Variants in EPS8 observed in about 807,000 individuals in gnomAD.
EPS8 encodes epidermal growth factor receptor kinase substrate 8.
A neutral mutation model predicts 103.8 loss-of-function variants in EPS8; 42 were observed. That is an observed-to-expected ratio of 0.40 (90% CI 0.32 to 0.52). EPS8 has a LOEUF of 0.52. Ranked by LOEUF, EPS8 falls within the 20% of genes least tolerant of loss-of-function variation. The probability of loss-of-function intolerance (pLI) is 0.40; values close to 1 mark genes in which losing one functional copy is unlikely to be tolerated. For missense variants in EPS8, 969 were observed against 1,005.1 expected, an observed-to-expected ratio of 0.96 and a Z score of 0.49; for synonymous variants, 344 against 344.6, an observed-to-expected ratio of 1.00 and a Z score of 0.02.
At position 15,776,780 on chromosome 12, in the gene EPS8, T is replaced by G. The variant is rs1172134313; in HGVS notation, c.-22+12381A>C. On this transcript the variant is annotated intron_variant, in intron 1 of 20. Coordinates refer to ENST00000281172, the MANE Select transcript of EPS8 (RefSeq NM_004447.6). The surrounding 1 kb of genome is among the most constrained non-coding windows in gnomAD (Gnocchi z 4.2). ...TTGAGAATTTTAGCGTTTCCCCTTT[T>G]GCTACCGCCAAACTATTTTTATATC... 1.3e-5 allele frequency among the ~76,000 whole-genome samples: 2 copies of G among 152,320 alleles called. No individual in the cohort carries two copies. The highest frequency in any genetic ancestry group is 1.5e-5 in the Non-Finnish European group (1 of 68,018).
rs1404728264 is a variant in EPS8 at position 15,658,510 on chromosome 12, C to G, written c.1013G>C (p.Gly338Ala). Residue 338 changes from glycine (G) to alanine (A), a missense_variant, in exon 11 of 21, where the codon GGA becomes GCA. By Grantham distance (60) the Gly-to-Ala change is moderately conservative. Transcript: ENST00000281172. ...FLDCFQKFKH[G>A]FNLLAKLKSH... ...AATTTCACTTACCAGAAGGTTAAAT[C>G]CGTGTTTAAACTTTTGGAAACAGTC... 6.2e-7 allele frequency: 1 copy of G among 1,609,178 alleles called. No homozygotes were observed. Among genetic ancestry groups the G allele is most frequent in the Non-Finnish European group, 8.5e-7 (1 of 1,175,696 alleles).
intron 1 of EPS8, among the ~76,000 whole-genome samples, chr12:15,758,566 T>C (rs1307560971): frequency 6.6e-6 from 1 of 152,216 alleles, no homozygotes; most frequent in East Asian, 1.9e-4. Flanking sequence ...GGCTAGTGGC[T>C]ACCATACTGT....
rs1432427303 is a variant in EPS8 at position 15,727,431 on chromosome 12, T to G, written c.-21-44459A>C. On this transcript the variant is annotated intron_variant, in intron 1 of 20. Transcript: ENST00000281172. The surrounding 1 kb of genome is among the most constrained non-coding windows in gnomAD (Gnocchi z 4.3). The stretch of plus-strand genomic sequence containing the variant: ...CACTCCTCATTCTTGTGTTTTATTT[T>G]AAACATAATTGAAACACTTTAATAT... Among the ~76,000 whole-genome samples, 9 of 152,196 alleles carry G rather than the reference T, an allele frequency of 5.9e-5. No individual in the cohort carries two copies. The highest frequency in any genetic ancestry group is 1.3e-4 in the Non-Finnish European group (9 of 68,022).
intron 1 of EPS8, among the ~76,000 whole-genome samples, chr12:15,703,111 T>C (rs1946333017): frequency 6.6e-6 from 1 of 152,158 alleles, no homozygotes; most frequent in African/African-American, 2.4e-5. Context: ...ATCACGCCAC[T>C]GCACTCCAGC....
In EPS8 at chr12:15,772,403, C is replaced by T. The variant is rs1045766294; in HGVS notation, c.-22+16758G>A. ...AAGAACTGAGAGTAACTGTTCTAAA[C>T]GAAACACTGAGGTTCCCTAGAAAGA... On this transcript the variant is annotated intron_variant, in intron 1 of 20. Coordinates refer to ENST00000281172, the MANE Select transcript of EPS8 (RefSeq NM_004447.6). The surrounding 1 kb of genome is among the most constrained non-coding windows in gnomAD (Gnocchi z 5.0). Among the ~76,000 whole-genome samples, 11 of 152,016 alleles carry T rather than the reference C, an allele frequency of 7.2e-5. No homozygotes were observed. The highest frequency in any genetic ancestry group is 1.4e-4 in the African/African-American group (6 of 41,384).
At position 15,698,422 on chromosome 12, in the gene EPS8, G is replaced by A. The variant is rs1312993476; in HGVS notation, c.-21-15450C>T. The stretch of plus-strand genomic sequence containing the variant: ...GTGTCAACTAGACTCCCCAACCCCC[G>A]CTCTTTAAGTTAACCTCATCCACAC... On this transcript the variant is annotated intron_variant, in intron 1 of 20. Transcript: ENST00000281172. The surrounding 1 kb of genome is among the most constrained non-coding windows in gnomAD (Gnocchi z 4.9). Among the ~76,000 whole-genome samples, 3 of 151,942 alleles carry A rather than the reference G, an allele frequency of 2.0e-5. No homozygotes were observed. The highest frequency in any genetic ancestry group is 6.6e-5 in the Admixed American group (1 of 15,252).
In EPS8 at chr12:15,748,936, A is replaced by G. The variant is rs575960868; in HGVS notation, c.-22+40225T>C. On this transcript the variant is annotated intron_variant, in intron 1 of 20. Transcript: ENST00000281172. The surrounding 1 kb of genome is among the most constrained non-coding windows in gnomAD (Gnocchi z 4.8). ...TATAGTCTTCTCTTCCTTTCATACC[A>G]TAGAACATCAGCACTTTATGTACTT... 2.0e-5 allele frequency among the ~76,000 whole-genome samples: 3 copies of G among 152,304 alleles called. No individual in the cohort carries two copies. The South Asian group carries it at 6.2e-4, about 32-fold the overall frequency.
intron 17 of EPS8, among the ~76,000 whole-genome samples, chr12:15,638,120 G>C (rs1169243583): frequency 1.3e-5 from 2 of 151,836 alleles, no homozygotes; most frequent in African/African-American, 2.4e-5. Context: ...TTTAGATATG[G>C]GTATCTGGTG....
At chr12:15,625,227 C>T (rs1000197685) in intron 18 of EPS8, among the ~76,000 whole-genome samples, 1 of 152,172 alleles carries the variant, frequency 6.6e-6, no homozygotes, top group Non-Finnish European at 1.5e-5. Context: ...TATATAAGAG[C>T]TGTTTCCCTG....
rs1247288651 is a variant in EPS8 at position 15,780,286 on chromosome 12, T to C, written c.-22+8875A>G. The C allele has an allele frequency of 6.6e-6, 1 of 152,122 alleles. No individual in the cohort carries two copies. The highest frequency in any genetic ancestry group is 1.5e-5 in the Non-Finnish European group (1 of 68,022). The allele number at this position is 152,122 out of a possible 1,614,324, so 9.4% of individuals were successfully genotyped here. A position where few individuals can be genotyped will look rare whatever the true frequency, so the allele number is the denominator to read the frequency against. On this transcript the variant is annotated intron_variant, in intron 1 of 20. Transcript: ENST00000281172. This position sits in a 1 kb window ranked among gnomAD's most constrained non-coding sequence, Gnocchi z 4.1. The stretch of plus-strand genomic sequence containing the variant: ...GCTCTGAATGTGGGAATGTGCAGAA[T>C]TTCCCACCACTCCCATCATGCCAAC...
rs1029191163 is a variant in EPS8, at chr12:15,682,940, A to C, written c.12T>G (p.His4Gln). ...CAAAACTACTGGGATGATTAGAAAT[A>C]TGACCATTCATTGTGTCTTTCACTT... MNG[H>Q]ISNHPSSFGM... Residue 4 changes from histidine to glutamine, a missense_variant, in exon 2 of 21, where the codon CAT becomes CAG. His to Gln is a conservative substitution (Grantham distance 24). Transcript: ENST00000281172. 8.2e-6 allele frequency: 13 copies of C among 1,584,262 alleles called. No individual in the cohort carries two copies. Among genetic ancestry groups the C allele is most frequent in the Non-Finnish European group, 1.1e-5 (13 of 1,164,542 alleles).
Position 15,650,708 on chromosome 12 carries a change from C to G in EPS8, c.1434+115G>C, listed in dbSNP as rs2135785305. On this transcript the variant is annotated intron_variant, in intron 14 of 20. Coordinates refer to ENST00000281172, the MANE Select transcript of EPS8 (RefSeq NM_004447.6). ...AATTCAGGACAGGGTAACATTCAGA[C>G]TTTGATTCTAGAACAATTTTCAGTT... 7 of 885,606 alleles carry G rather than the reference C, an allele frequency of 7.9e-6. No individual in the cohort carries two copies. In the South Asian group the frequency reaches 1.2e-4, roughly 16 times the overall value. The allele number at this position is 885,606 out of a possible 1,614,324, so 54.9% of individuals were successfully genotyped here.
At chr12:15,662,459 T>G (rs1431912517) in intron 8 of EPS8, 2 of 1,007,186 alleles carry the variant, frequency 2.0e-6, no homozygotes, top group African/African-American at 1.7e-5. Flanking sequence ...CTTTTACTTC[T>G]CAAAAGCTGG....
At position 15,778,684 on chromosome 12, in the gene EPS8, T is replaced by C. The variant is rs761266312; in HGVS notation, c.-22+10477A>G. ...ACACATATAGTTTGTCATAAAACAGTTGAAGTTTTGAAAACACACTGCAAA... is the reference window on the plus strand; with the variant it reads ...ACACATATAGTTTGTCATAAAACAGCTGAAGTTTTGAAAACACACTGCAAA... On this transcript the variant is annotated intron_variant, in intron 1 of 20. Transcript: ENST00000281172. The surrounding 1 kb of genome is among the most constrained non-coding windows in gnomAD (Gnocchi z 4.5). Among the ~76,000 whole-genome samples, 23 of 152,154 alleles carry C rather than the reference T, an allele frequency of 1.5e-4. No homozygotes were observed. The highest frequency in any genetic ancestry group is 2.1e-4 in the Non-Finnish European group (14 of 68,030).
intron 1 of EPS8, among the ~76,000 whole-genome samples, chr12:15,773,405 CAGA>C (rs1000080354): frequency 1.3e-5 from 2 of 152,052 alleles, no homozygotes; most frequent in African/African-American, 4.8e-5. Flanking sequence ...CAATCATCCT[CAGA>C]AGAAGGAGGA....
At chr12:15,754,324 G>A (rs1946963380) in intron 1 of EPS8, among the ~76,000 whole-genome samples, 1 of 152,076 alleles carries the variant, frequency 6.6e-6, no homozygotes, top group Non-Finnish European at 1.5e-5. Context: ...GGAAGGAAAA[G>A]ATGGAGCTGG....
intron 6 of EPS8, among the ~76,000 whole-genome samples, chr12:15,668,708 G>A (rs768196526): frequency 2.6e-5 from 4 of 152,142 alleles, no homozygotes; most frequent in Admixed American, 6.5e-5. Flanking sequence ...AATCAATATC[G>A]TGGGAAATGT....
intron 1 of EPS8, among the ~76,000 whole-genome samples, chr12:15,689,861 G>C (rs1946148461): frequency 6.6e-6 from 1 of 152,184 alleles, no homozygotes; most frequent in Admixed American, 6.5e-5. Flanking sequence ...GTAGTTAGCA[G>C]AGGCTGGGAG....
At chr12:15,630,307 T>TA (rs1945023373) in intron 18 of EPS8, among the ~76,000 whole-genome samples, 2 of 152,166 alleles carry the variant, frequency 1.3e-5, no homozygotes, top group African/African-American at 4.8e-5. Flanking sequence ...CAAGAGTTTT[T>TA]ACACATCAAG....
Sources: gnomAD v4.1 joint callset for allele counts (sites outside exome capture counted in the v4.1 genomes callset) on GRCh38, gnomAD v4.1.1 for gene constraint, Gnocchi (gnomAD v3.1) non-coding constraint, MANE v1.5 for transcripts, NCBI Gene and HGNC (gene_info 2026-07-23, HGNC 2026-07-21) for gene names.